The following ATXN1 variants were observed in gnomAD, a reference collection of about 807,000 sequenced individuals.
ATXN1 encodes ataxin-1.
ATXN1 carries 8 observed loss-of-function variants against 56.4 expected under a neutral mutation model. The observed-to-expected ratio is 0.14, with a 90% CI of 0.08 to 0.26. The LOEUF (loss-of-function observed/expected upper bound fraction) is 0.26. Among genes scored for constraint, ATXN1 ranks in the 10% least tolerant of loss-of-function variants. The pLI is 1.00. For synonymous variants in ATXN1, 514 were observed against 494.6 expected (o/e 1.04, Z -0.52); for missense variants, 987 against 1,106.5 (o/e 0.89, Z 1.53).
chr6:16,307,425 T>C (rs1216365640), intron 7 of ATXN1, among the ~76,000 whole-genome samples: 1 of 152,052 alleles, frequency 6.6e-6, no homozygotes, highest in Non-Finnish European at 1.5e-5. Context: ...TCCCAGCACT[T>C]TGGGACACCA....
Position 16,305,993 on chromosome 6 carries a change from C to T in ATXN1, c.*336G>A, listed in dbSNP as rs1307194235. 1 of 233,142 alleles carries T rather than the reference C, an allele frequency of 4.3e-6. No individual in the cohort carries two copies. Among genetic ancestry groups the T allele is most frequent in the Non-Finnish European group, 8.6e-6 (1 of 116,466 alleles). The allele number at this position is 233,142 out of a possible 1,614,324, so 14.4% of individuals were successfully genotyped here. On this transcript the variant is annotated 3_prime_UTR_variant, in exon 8 of 8. Transcript: ENST00000436367. ...AGGACCCTTCCCACGGGACTTTTCTCCTGACACTAGCGGGAGTCAGCGCCC... is the reference window on the plus strand; with the variant it reads ...AGGACCCTTCCCACGGGACTTTTCTTCTGACACTAGCGGGAGTCAGCGCCC...
At chr6:16,453,591 C>T (rs1413276122) in intron 6 of ATXN1, among the ~76,000 whole-genome samples, 4 of 152,056 alleles carry the variant, frequency 2.6e-5, no homozygotes, top group Non-Finnish European at 5.9e-5. Context: ...TTATCATTAT[C>T]ATCATCATCA....
intron 4 of ATXN1, among the ~76,000 whole-genome samples, chr6:16,553,013 C>T (rs569166731): frequency 6.6e-6 from 1 of 152,372 alleles, no homozygotes; most frequent in South Asian, 2.1e-4. Context: ...GCACAGATAC[C>T]ATGACTTTCC....
intron 6 of ATXN1, among the ~76,000 whole-genome samples, chr6:16,480,153 G>GGA (rs1760405715): frequency 1.2e-4 from 1 of 8,518 alleles, no homozygotes; most frequent in Non-Finnish European, 4.3e-4. Context: ...GACTTCATCT[G>GGA]CAAAAAAAAA....
chr6:16,637,056 T>C (rs182472141), intron 3 of ATXN1, among the ~76,000 whole-genome samples: 18 of 152,306 alleles, frequency 1.2e-4, no homozygotes, highest in Admixed American at 3.3e-4. Flanking sequence ...CGTATGTTTA[T>C]TGCGGCACTA....
intron 6 of ATXN1, among the ~76,000 whole-genome samples, chr6:16,360,339 C>G (rs1244988914): frequency 2.0e-5 from 3 of 152,190 alleles, no homozygotes; most frequent in Non-Finnish European, 4.4e-5. Flanking sequence ...TACCCAGTGA[C>G]ATCGGAAATG....
chr6:16,631,472 A>ATGG (rs1397423807), intron 3 of ATXN1, among the ~76,000 whole-genome samples: 2 of 152,228 alleles, frequency 1.3e-5, no homozygotes, highest in Non-Finnish European at 2.9e-5. Flanking sequence ...AGCTCTTGAT[A>ATGG]TGGTGCAAAG....
rs1013888111 is a variant in ATXN1 at position 16,301,912 on chromosome 6, G to A, written c.*4417C>T. ...GAAATAGGTTTCCTTAGTAGTCACA[G>A]ATGTTAAAGGGTATTGTCAATCGTT... is the stretch of plus-strand genomic sequence containing the variant. On this transcript the variant is annotated 3_prime_UTR_variant, in exon 8 of 8. Transcript: ENST00000436367. 6.5e-6 allele frequency: 1 copy of A among 152,718 alleles called. No individual in the cohort carries two copies. Among genetic ancestry groups the A allele is most frequent in the African/African-American group, 2.4e-5 (1 of 41,442 alleles). 9.5% of individuals were successfully genotyped at this position (152,718 alleles called of 1,614,324 possible).
chr6:16,439,682 A>C (rs1384842051), intron 6 of ATXN1, among the ~76,000 whole-genome samples: 1 of 152,196 alleles, frequency 6.6e-6, no homozygotes, highest in African/African-American at 2.4e-5. Context: ...TATTTACTAA[A>C]AATCTGTGAC....
rs952380189 is a variant in ATXN1 at position 16,418,795 on chromosome 6, G to A, written c.-161+67177C>T. Among the ~76,000 whole-genome samples the A allele has an allele frequency of 5.1e-5, 7 of 138,610 alleles. No homozygotes were observed. In the South Asian group the frequency reaches 6.7e-4, roughly 13 times the overall value. 90.9% of individuals were successfully genotyped at this position (138,610 alleles called of 152,430 possible). A position where few individuals can be genotyped will look rare whatever the true frequency, so the allele number is the denominator to read the frequency against. ...GTGTTCTCATTGTTCAATTCCCACC[G>A]CAATACTCCTAACGCTAATAATTGT... On this transcript the variant is annotated intron_variant, in intron 6 of 7. Transcript: ENST00000436367.
At chr6:16,583,050 A>T (rs1762556386) in intron 4 of ATXN1, among the ~76,000 whole-genome samples, 1 of 152,242 alleles carries the variant, frequency 6.6e-6, no homozygotes, top group Non-Finnish European at 1.5e-5. Flanking sequence ...TTTTGTTGAA[A>T]TAATATACAT....
At chr6:16,409,677 G>A (rs910215404) in intron 6 of ATXN1, among the ~76,000 whole-genome samples, 4 of 147,524 alleles carry the variant, frequency 2.7e-5, no homozygotes, top group African/African-American at 5.0e-5. Context: ...AAAAGAACTC[G>A]ACTTGCCGTT....
At chr6:16,541,153 G>A (rs1257640133) in intron 4 of ATXN1, among the ~76,000 whole-genome samples, 1 of 152,202 alleles carries the variant, frequency 6.6e-6, no homozygotes, top group African/African-American at 2.4e-5. Flanking sequence ...AGAGGCTGAG[G>A]GCAGCCCACA....
chr6:16,652,818 T>A (rs1190394913), intron 3 of ATXN1: 1 of 152,166 alleles, frequency 6.6e-6, no homozygotes, highest in Non-Finnish European at 1.5e-5. Context: ...TTTCCTTCAC[T>A]TAGATGAGAA....
At chr6:16,733,327 G>A (rs1043968023) in intron 2 of ATXN1, among the ~76,000 whole-genome samples, 26 of 152,172 alleles carry the variant, frequency 1.7e-4, no homozygotes, top group African/African-American at 5.3e-4. Flanking sequence ...TTGGGAGGCC[G>A]AGGCGGGAGG....
chr6:16,694,873 C>T lies in ATXN1; in HGVS notation c.-614-36972G>A, dbSNP rs953135091. ...TCCTCCTCAAGTGGAGTCGAACTCT[C>T]CCTAGGGTTAACTTCCCTCCTGTTC... On this transcript the variant is annotated intron_variant, in intron 2 of 7. Transcript: ENST00000436367. 2.0e-5 allele frequency among the ~76,000 whole-genome samples: 3 copies of T among 152,302 alleles called. No individual in the cohort carries two copies. The South Asian group carries it at 6.2e-4, about 32-fold the overall frequency.
intron 2 of ATXN1, among the ~76,000 whole-genome samples, chr6:16,740,527 A>G (rs991111765): frequency 1.3e-5 from 2 of 152,202 alleles, no homozygotes; most frequent in African/African-American, 2.4e-5. Context: ...TATGAGATCA[A>G]TTTGATTTCC....
At chr6:16,517,192 T>G (rs1283788582) in intron 5 of ATXN1, among the ~76,000 whole-genome samples, 1 of 152,278 alleles carries the variant, frequency 6.6e-6, no homozygotes, top group Non-Finnish European at 1.5e-5. Context: ...TTATTTGTGT[T>G]GACCCTAATG....
intron 6 of ATXN1, among the ~76,000 whole-genome samples, chr6:16,476,439 G>C (rs1450860185): frequency 6.6e-6 from 1 of 151,708 alleles, no homozygotes; most frequent in African/African-American, 2.4e-5. Flanking sequence ...ATTCATATGA[G>C]AGAACTATCT....
Sources: allele counts gnomAD v4.1 joint callset (sites outside exome capture counted in the v4.1 genomes callset), GRCh38; gene constraint gnomAD v4.1.1; transcripts MANE v1.5; gene names NCBI Gene and HGNC (gene_info 2026-07-23, HGNC 2026-07-21).